Variants in CLYBL observed in about 807,000 individuals in gnomAD.
CLYBL encodes the protein citramalyl-CoA lyase.
In CLYBL, 31 loss-of-function variants were observed where a neutral mutation model predicts 38.9. That is an observed-to-expected ratio of 0.80 (90% confidence interval 0.60 to 1.08). CLYBL has a LOEUF of 1.08. Ranked by LOEUF, CLYBL falls within the 50% of genes least tolerant of loss-of-function variation. CLYBL has a pLI of 0.00. For missense variants in CLYBL, 434 were observed against 411.6 expected (o/e 1.05, Z -0.47); for synonymous variants, 171 against 158.6 (o/e 1.08, Z -0.59).
intron 7 of CLYBL, among the ~76,000 whole-genome samples, chr13:99,876,630 C>T (rs573297004): frequency 6.6e-6 from 1 of 152,034 alleles, no homozygotes; most frequent in East Asian, 1.9e-4. Flanking sequence ...TCTCAGAAAT[C>T]TTTTAGTCAG....
At chr13:99,676,425 C>T (rs540904587) in intron 1 of CLYBL, among the ~76,000 whole-genome samples, 9 of 151,072 alleles carry the variant, frequency 6.0e-5, no homozygotes, top group Admixed American at 4.6e-4. Context: ...CTTAGCCACT[C>T]GAGTAGCTGG....
chr13:99,638,998 C>G (rs1594095918), intron 1 of CLYBL, among the ~76,000 whole-genome samples: 1 of 152,138 alleles, frequency 6.6e-6, no homozygotes, highest in African/African-American at 2.4e-5. Flanking sequence ...AGGCCATGCC[C>G]GCCTTGTCTC....
chr13:99,845,437 C>G (rs1437704525), intron 2 of CLYBL, among the ~76,000 whole-genome samples: 23 of 152,222 alleles, frequency 1.5e-4, no homozygotes, highest in Non-Finnish European at 5.9e-5. Flanking sequence ...GAAGAAAACC[C>G]AAGTGGTTGT....
intron 1 of CLYBL, among the ~76,000 whole-genome samples, chr13:99,703,537 T>G (rs2048101904): frequency 6.6e-6 from 1 of 152,042 alleles, no homozygotes; most frequent in Non-Finnish European, 1.5e-5. Context: ...GCCCAGCTAA[T>G]TTTTTGTATT....
chr13:99,782,162 C>G (rs1447149253), intron 2 of CLYBL, among the ~76,000 whole-genome samples: 1 of 152,038 alleles, frequency 6.6e-6, no homozygotes, highest in Non-Finnish European at 1.5e-5. Flanking sequence ...CAGAATTTCC[C>G]TATAGCGAAA....
At chr13:99,824,218 C>G (rs1449349122) in intron 2 of CLYBL, among the ~76,000 whole-genome samples, 1 of 151,820 alleles carries the variant, frequency 6.6e-6, no homozygotes, top group African/African-American at 2.4e-5. Flanking sequence ...TCTTTTTGGT[C>G]TAATTTTTTC....
intron 1 of CLYBL, among the ~76,000 whole-genome samples, chr13:99,701,747 T>G (rs530507387): frequency 4.6e-5 from 7 of 152,334 alleles, no homozygotes; most frequent in African/African-American, 1.4e-4. Flanking sequence ...TGATCTCAGC[T>G]CACTGCAACC....
chr13:99,667,604 A>G (rs558925873), intron 1 of CLYBL, among the ~76,000 whole-genome samples: 159 of 152,290 alleles, frequency 1.0e-3, no homozygotes, highest in African/African-American at 3.7e-3. Flanking sequence ...ACAGAGTACA[A>G]TTGAACATTT....
intron 1 of CLYBL, among the ~76,000 whole-genome samples, chr13:99,731,307 AAT>A (rs1295435079): frequency 2.6e-5 from 4 of 151,498 alleles, no homozygotes. Context: ...CTAGTTGCAG[AAT>A]ATATGTCTAT....
At chr13:99,822,603 A>C (rs764798177) in intron 2 of CLYBL, among the ~76,000 whole-genome samples, 2 of 152,228 alleles carry the variant, frequency 1.3e-5, no homozygotes, top group Non-Finnish European at 2.9e-5. Context: ...GCTTCAGCCC[A>C]GTTTCCACTT....
chr13:99,858,746 G>A lies in CLYBL; in HGVS notation c.250-115G>A, dbSNP rs538140658. On this transcript the variant is annotated intron_variant, in intron 2 of 8. Coordinates refer to ENST00000339105, the MANE Select transcript of CLYBL (RefSeq NM_206808.5). ...TATTTATTTGGTGGACAGGAAATGT[G>A]TAGATAGAATAATGGTGCTCAGACT... is the stretch of plus-strand genomic sequence containing the variant. The A allele has an allele frequency of 1.2e-4, 84 of 680,228 alleles. No individual in the cohort carries two copies. The African/African-American group carries it at 1.4e-3, about 11-fold the overall frequency. 42.1% of individuals were successfully genotyped at this position (680,228 alleles called of 1,614,324 possible).
At chr13:99,776,878 CG>C (rs1169128257) in intron 2 of CLYBL, among the ~76,000 whole-genome samples, 2 of 151,276 alleles carry the variant, frequency 1.3e-5, no homozygotes, top group African/African-American at 2.4e-5. Flanking sequence ...AGTTCATGCA[CG>C]TTTTTTTTTT....
Position 99,793,033 on chromosome 13 carries a change from A to AAAACACACACAC in CLYBL, c.249+20024_249+20025insAACACACACACA, listed in dbSNP as rs368975807. ...TCTTCTTGTGCACATGTGCATACAT[A>AAAACACACACAC]ACACACACACACACACACACACACA... On this transcript the variant is annotated intron_variant, in intron 2 of 8. Coordinates refer to ENST00000339105, the MANE Select transcript of CLYBL (RefSeq NM_206808.5). Among the ~76,000 whole-genome samples, 552 of 146,042 alleles carry AAAACACACACAC rather than the reference A, an allele frequency of 3.8e-3. 2 individuals are homozygous for AAAACACACACAC. Among genetic ancestry groups the AAAACACACACAC allele is most frequent in the African/African-American group, 0.013 (518 of 38,704 alleles).
intron 1 of CLYBL, among the ~76,000 whole-genome samples, chr13:99,645,008 G>A (rs2047156510): frequency 6.6e-6 from 1 of 152,146 alleles, no homozygotes; most frequent in African/African-American, 2.4e-5. Flanking sequence ...TCAATACACT[G>A]CCTTCCTTTC....
At chr13:99,638,926 C>T (rs2047058351) in intron 1 of CLYBL, among the ~76,000 whole-genome samples, 1 of 152,178 alleles carries the variant, frequency 6.6e-6, no homozygotes, top group African/African-American at 2.4e-5. Flanking sequence ...CAGTACCAAA[C>T]TAAGGGGCTG....
At chr13:99,863,354 A>G (rs1467746248) in intron 4 of CLYBL, among the ~76,000 whole-genome samples, 1 of 152,236 alleles carries the variant, frequency 6.6e-6, no homozygotes, top group Admixed American at 6.5e-5. Flanking sequence ...TCCTAGTAAC[A>G]ATTTTAACTA....
At chr13:99,731,539 A>G (rs2048591035) in intron 1 of CLYBL, among the ~76,000 whole-genome samples, 1 of 151,744 alleles carries the variant, frequency 6.6e-6, no homozygotes, top group South Asian at 2.1e-4. Flanking sequence ...GCCTCAAAGC[A>G]TTGAAATAAA....
chr13:99,645,897 T>C (rs1594099590), intron 1 of CLYBL, among the ~76,000 whole-genome samples: 1 of 152,192 alleles, frequency 6.6e-6, no homozygotes. Context: ...CTTAGGGCAA[T>C]TTCTGATCCA....
At chr13:99,647,357 C>T (rs375324875) in intron 1 of CLYBL, among the ~76,000 whole-genome samples, 1 of 152,108 alleles carries the variant, frequency 6.6e-6, no homozygotes, top group African/African-American at 2.4e-5. Flanking sequence ...AGGGAAGGCT[C>T]CCGCCCCACC....
Sources: gnomAD v4.1 joint callset for allele counts (sites outside exome capture counted in the v4.1 genomes callset) on GRCh38, gnomAD v4.1.1 for gene constraint, MANE v1.5 for transcripts, NCBI Gene and HGNC (gene_info 2026-07-23, HGNC 2026-07-21) for gene names.